Variants in ATP1A2 observed in about 807,000 individuals in gnomAD.
ATP1A2 encodes the protein ATPase Na+/K+ transporting subunit alpha 2, also known as sodium/potassium-transporting ATPase subunit alpha-2.
A neutral mutation model predicts 113.1 loss-of-function variants in ATP1A2; 56 were observed. The observed-to-expected ratio is 0.49, with a 90% CI of 0.40 to 0.62. ATP1A2 has a LOEUF of 0.62. ATP1A2 is among the 20% of genes least tolerant of loss of function. The pLI is 0.00. For synonymous variants in ATP1A2, 490 were observed against 526.8 expected (o/e 0.93, Z 0.96); for missense variants, 712 against 1,357.8 (o/e 0.52, Z 7.47).
At chr1:160,137,588 G>T (rs1002099720) in intron 20 of ATP1A2, among the ~76,000 whole-genome samples, 1 of 152,130 alleles carries the variant, frequency 6.6e-6, no homozygotes, top group Admixed American at 6.6e-5. Context: ...TGTGCCCAAG[G>T]TCACCAAGAT....
chr1:160,141,564 C>G lies in ATP1A2; in HGVS notation c.*242C>G, dbSNP rs1333101869. 1.7e-6 allele frequency: 1 copy of G among 584,050 alleles called. No homozygotes were observed. Among genetic ancestry groups the G allele is most frequent in the African/African-American group, 1.9e-5 (1 of 53,728 alleles). The allele number at this position is 584,050 out of a possible 1,614,324, so 36.2% of individuals were successfully genotyped here. A position where few individuals can be genotyped will look rare whatever the true frequency, so the allele number is the denominator to read the frequency against. On this transcript the variant is annotated 3_prime_UTR_variant, in exon 23 of 23. Transcript: ENST00000361216. ...AGAGTCCCCCCGACCAGATCCTTTT[C>G]CATCCCACTCCACTATGTTGTCTAT...
Position 160,136,732 on chromosome 1 carries a change from A to G in ATP1A2, c.2709+17A>G, listed in dbSNP as rs961165805. 2 of 1,614,038 alleles carry G rather than the reference A, an allele frequency of 1.2e-6. No homozygotes were observed. Among genetic ancestry groups the G allele is most frequent in the Non-Finnish European group, 1.7e-6 (2 of 1,179,994 alleles). On this transcript the variant is annotated intron_variant, in intron 19 of 22. Transcript: ENST00000361216. ...CAGGAGTGGGTGAGTGGTGCTGTGTAAACACAGCGCACATGTGTGAAGGTA... is the reference window on the plus strand; with the variant it reads ...CAGGAGTGGGTGAGTGGTGCTGTGTGAACACAGCGCACATGTGTGAAGGTA...
At chr1:160,132,901 C>T (rs1435667927) in intron 13 of ATP1A2, among the ~76,000 whole-genome samples, 2 of 151,994 alleles carry the variant, frequency 1.3e-5, no homozygotes, top group Non-Finnish European at 2.9e-5. Context: ...CTGTGCCAAA[C>T]CAACATTTAG....
At chr1:160,136,864 C>T (rs773669002) in intron 19 of ATP1A2, 37 bp from the exon 20 acceptor site, 78 of 1,614,080 alleles carry the variant, frequency 4.8e-5, no homozygotes, top group African/African-American at 8.0e-5. Context: ...CCCTTTCCTC[C>T]GACACTCTCA....
Position 160,141,379 on chromosome 1 carries a change from G to A in ATP1A2, c.*57G>A. ...ATGGGGAGCTCTGGAGGTGTTGTGG[G>A]GATGGTGATGGAGAGGGATGGAAAT... On this transcript the variant is annotated 3_prime_UTR_variant, in exon 23 of 23. Coordinates refer to ENST00000361216, the MANE Select transcript of ATP1A2 (RefSeq NM_000702.4). 6.2e-7 allele frequency: 1 copy of A among 1,601,830 alleles called. No homozygotes were observed. Among genetic ancestry groups the A allele is most frequent in the Non-Finnish European group, 8.6e-7 (1 of 1,168,838 alleles).
intron 17 of ATP1A2, 93 bp from the exon 18 acceptor site, chr1:160,136,154 T>C (rs998850948): frequency 6.2e-7 from 1 of 1,604,148 alleles, no homozygotes; most frequent in African/African-American, 1.3e-5. Context: ...TTTTTAACTG[T>C]GTCAACGATC....
chr1:160,129,385 T>C lies in ATP1A2; in HGVS notation c.1446T>C (p.Ser482=). Residue 482 remains serine, a synonymous_variant, in exon 11 of 23, where the codon TCT becomes TCC. Transcript: ENST00000361216. ...AGGTGGCAGAGATTCCTTTCAACTCTACCAACAAGTACCAGGTCTGCTTGG... is the reference window on the plus strand; with the variant it reads ...AGGTGGCAGAGATTCCTTTCAACTCCACCAACAAGTACCAGGTCTGCTTGG... ...NPKVAEIPFN[S]TNKYQLSIHE... 6.2e-7 allele frequency: 1 copy of C among 1,613,496 alleles called. No individual in the cohort carries two copies. Among genetic ancestry groups the C allele is most frequent in the Non-Finnish European group, 8.5e-7 (1 of 1,180,006 alleles).
chr1:160,121,441 G>A (rs1389699862), intron 3 of ATP1A2, among the ~76,000 whole-genome samples, 190 bp downstream of exon 3: 1 of 152,184 alleles, frequency 6.6e-6, no homozygotes, highest in Admixed American at 6.5e-5. Context: ...TGGATCCCCT[G>A]CATCCTAGCC....
intron 7 of ATP1A2, among the ~76,000 whole-genome samples, chr1:160,126,900 T>C (rs1033905727): frequency 2.0e-5 from 3 of 152,192 alleles, no homozygotes; most frequent in Non-Finnish European, 2.9e-5. Context: ...GGAAAGGAAA[T>C]AAATGAGATA....
intron 11 of ATP1A2, 124 bp from the exon 12 acceptor site, chr1:160,129,978 T>G: frequency 2.4e-6 from 3 of 1,254,484 alleles, no homozygotes; most frequent in Non-Finnish European, 3.4e-6. Context: ...GGAGATTCTC[T>G]TTGTTGACAA....
intron 22 of ATP1A2, 149 bp from the exon 23 acceptor site, chr1:160,141,145 C>A: frequency 1.1e-6 from 1 of 919,406 alleles, no homozygotes. Flanking sequence ...TGCACCCAGC[C>A]TCCTTCCACC....
chr1:160,122,939 G>A (rs1013081410), intron 3 of ATP1A2, among the ~76,000 whole-genome samples: 2 of 152,144 alleles, frequency 1.3e-5, no homozygotes, highest in Non-Finnish European at 2.9e-5. Flanking sequence ...GCCTCCAGGG[G>A]AGATGTTATG....
Position 160,129,081 on chromosome 1 carries a change from G to T in ATP1A2, c.1318G>T (p.Val440Leu), listed in dbSNP as rs768088341. Residue 440 changes from valine (V) to leucine (L), a missense_variant, in exon 10 of 23, where the codon GTG (valine) becomes TTG (leucine). Coordinates refer to ENST00000361216, the MANE Select transcript of ATP1A2 (RefSeq NM_000702.4). ...CAAGGCAGGACAGGAGAACATCTCC[G>T]TGTCTAAGGTAGGGGGTCAGGACAC... ...VFKAGQENIS[V>L]SKRDTAGDAS... The T allele has an allele frequency of 8.1e-6, 13 of 1,613,716 alleles. No homozygotes were observed. Among genetic ancestry groups the T allele is most frequent in the African/African-American group, 1.3e-5 (1 of 74,898 alleles).
rs12071868 is a variant in ATP1A2 at position 160,127,342 on chromosome 1, A to G, written c.749-210A>G. Among the ~76,000 whole-genome samples the G allele has an allele frequency of 5.4e-3, 821 of 152,348 alleles. 6 individuals are homozygous for G. Among genetic ancestry groups the G allele is most frequent in the African/African-American group, 0.019 (770 of 41,578 alleles). ...GCTTCTCCCCAGGCTCGAGTACAAG[A>G]GAAAATAATTTGCTGTTGTATTGAT... On this transcript the variant is annotated intron_variant, in intron 7 of 22. Transcript: ENST00000361216.
Position 160,130,576 on chromosome 1 carries a change from G to A in ATP1A2, c.1806G>A (p.Lys602=), listed in dbSNP as rs1553245180. The A allele has an allele frequency of 6.2e-7, 1 of 1,614,092 alleles. No individual in the cohort carries two copies. Among genetic ancestry groups the A allele is most frequent in the African/African-American group, 1.3e-5 (1 of 74,936 alleles). The change falls in exon 13 of 23, where the codon AAG becomes AAA. Residue 602 remains lysine (K), a synonymous_variant. Transcript: ENST00000361216. ...CTGCTGTGCCAGATGCTGTGGGCAA[G>A]TGCCGAAGCGCAGGCATCAAGGTAC... The part of the protein sequence containing the change: ...PRAAVPDAVG[K]CRSAGIKVIM...
Position 160,130,198 on chromosome 1 carries a change from G to A in ATP1A2, c.1558G>A (p.Val520Met). 1 of 1,614,232 alleles carries A rather than the reference G, an allele frequency of 6.2e-7. No individual in the cohort carries two copies. Among genetic ancestry groups the A allele is most frequent in the Non-Finnish European group, 8.5e-7 (1 of 1,180,046 alleles). Residue 520 changes from valine to methionine, a missense_variant, in exon 12 of 23, where the codon GTG becomes ATG. Val to Met is a conservative substitution (Grantham distance 21). Transcript: ENST00000361216. ...TCTGGACCGGTGCTCCACCATCCTGGTGCAGGGCAAGGAGATCCCGCTCGA... is the reference window on the plus strand; with the variant it reads ...TCTGGACCGGTGCTCCACCATCCTGATGCAGGGCAAGGAGATCCCGCTCGA... Reference protein sequence around the residue: ...RILDRCSTILVQGKEIPLDKE... With the variant: ...RILDRCSTILMQGKEIPLDKE...
At chr1:160,119,380 A>G (rs755612907) in intron 1 of ATP1A2, among the ~76,000 whole-genome samples, 7 of 152,076 alleles carry the variant, frequency 4.6e-5, no homozygotes, top group South Asian at 2.1e-4. Context: ...CTGAAAGCCT[A>G]GTGCAGACTT....
chr1:160,127,411 GA>G (rs1396965474), intron 7 of ATP1A2, 140 bp from the exon 8 acceptor site: 1 of 1,166,374 alleles, frequency 8.6e-7, no homozygotes, highest in Non-Finnish European at 1.2e-6. Flanking sequence ...GCCAAGTGGG[GA>G]CAACCTACTG....
At chr1:160,123,487 G>C in intron 4 of ATP1A2, 71 bp downstream of exon 4, 1 of 1,594,612 alleles carries the variant, frequency 6.3e-7, no homozygotes, top group Middle Eastern at 1.7e-4. Context: ...ACACAGTGGG[G>C]GGTGGGCAGG....
Sources: allele counts gnomAD v4.1 joint callset (sites outside exome capture counted in the v4.1 genomes callset), GRCh38; gene constraint gnomAD v4.1.1; transcripts MANE v1.5; gene names NCBI Gene and HGNC (gene_info 2026-07-23, HGNC 2026-07-21).